Variants in CPZ observed in about 807,000 individuals in gnomAD.
CPZ encodes the protein VEZT/CPZ fusion.
A neutral mutation model predicts 61.8 loss-of-function variants in CPZ; 103 were observed. The observed-to-expected ratio is 1.67, with a 90% CI of 1.42 to 1.96. The LOEUF is 1.96. Ranked by LOEUF, CPZ falls within the 30% of genes most tolerant of loss-of-function variation. The pLI is 0.00. For synonymous variants in CPZ, 551 were observed against 373.7 expected, an observed-to-expected ratio of 1.47 and a Z score of -5.47; for missense variants, 1,461 against 914.9, an observed-to-expected ratio of 1.60 and a Z score of -7.70.
chr4:8,618,383 C>G (rs1716383582), intron 9 of CPZ, 46 bp from the exon 10 acceptor site: 2 of 1,579,812 alleles, frequency 1.3e-6, no homozygotes, highest in Non-Finnish European at 1.7e-6. Context: ...CCACGCTCAG[C>G]AGGAGAGCTC....
In CPZ at chr4:8,611,908, T is replaced by G; in HGVS notation, c.1228-119T>G. The stretch of plus-strand genomic sequence containing the variant: ...CCCCTCTCCTACCTGCAGACACCAT[T>G]CCCCTCTCCTATCTGCAATGCAGGT... On this transcript the variant is annotated intron_variant, in intron 7 of 10. Coordinates refer to ENST00000360986, the MANE Select transcript of CPZ (RefSeq NM_001014447.3). The G allele has an allele frequency of 5.0e-6, 7 of 1,391,262 alleles. No homozygotes were observed. In the South Asian group the frequency reaches 8.9e-5, roughly 18 times the overall value. The allele number at this position is 1,391,262 out of a possible 1,614,324, so 86.2% of individuals were successfully genotyped here. A position where few individuals can be genotyped will look rare whatever the true frequency, so the allele number is the denominator to read the frequency against.
chr4:8,610,975 T>TTCACTCAGTCAC (rs1715604536), intron 7 of CPZ, among the ~76,000 whole-genome samples: 1 of 151,778 alleles, frequency 6.6e-6, no homozygotes, highest in Non-Finnish European at 1.5e-5. Context: ...CAATCACTCA[T>TTCACTCAGTCAC]TCACTCAGTC....
At chr4:8,598,587 C>T (rs2109313371) in intron 1 of CPZ, among the ~76,000 whole-genome samples, 1 of 152,364 alleles carries the variant, frequency 6.6e-6, no homozygotes, top group Middle Eastern at 3.4e-3. Context: ...GCTCCCACTG[C>T]CCAGCCTGCC....
rs1714960910 is a variant in CPZ, at chr4:8,605,992, A to G, written c.713A>G (p.Glu238Gly). 6.2e-7 allele frequency: 1 copy of G among 1,612,074 alleles called. No homozygotes were observed. Among genetic ancestry groups the G allele is most frequent in the South Asian group, 1.1e-5 (1 of 91,030 alleles). ...AAGTCTCTGTATTTGCCCCCAGTGG[A>G]GCCCGAGGTGAAGCTCATCGGCAAC... ...SSRPGQHELM[E>G]PEVKLIGNIH... Residue 238 changes from glutamate (E) to glycine (G), a missense_variant, in exon 5 of 11, where the codon GAG becomes GGG. Transcript: ENST00000360986.
intron 1 of CPZ, among the ~76,000 whole-genome samples, chr4:8,597,105 G>T (rs1305552921): frequency 3.9e-5 from 6 of 152,172 alleles, no homozygotes; most frequent in Admixed American, 6.5e-5. Context: ...TGTAGCATCT[G>T]CCTCGGTCCA....
intron 8 of CPZ, 44 bp downstream of exon 8, chr4:8,612,206 C>CCCGG: frequency 2.6e-5 from 2 of 75,862 alleles, no homozygotes; most frequent in East Asian, 2.3e-4. Flanking sequence ...GTGGGGGGTG[C>CCCGG]AGGGGCTGGG....
At chr4:8,609,700 G>A (rs1425513975) in intron 7 of CPZ, among the ~76,000 whole-genome samples, 1 of 152,242 alleles carries the variant, frequency 6.6e-6, no homozygotes, top group Admixed American at 6.5e-5. Context: ...CTCAGAACCA[G>A]ATGTGAGAAG....
At chr4:8,606,211 G>T in intron 5 of CPZ, 26 bp downstream of exon 5, 1 of 1,599,106 alleles carries the variant, frequency 6.3e-7, no homozygotes. Flanking sequence ...CCTGGATCCT[G>T]TGGGCCACCG....
In CPZ at chr4:8,606,817, G is replaced by T. The variant is rs371225755; in HGVS notation, c.987G>T (p.Thr329=). 3 of 1,613,980 alleles carry T rather than the reference G, an allele frequency of 1.9e-6. No individual in the cohort carries two copies. The highest frequency in any genetic ancestry group is 1.7e-5 in the Admixed American group (1 of 60,004). ...LDLNRNFPDL[T]SEYYRLAETR... ...TGAACCGAAATTTCCCGGACCTGAC[G>T]TCCGAGTACTACCGGCTGGCGGAGA... The change falls in exon 6 of 11, where the codon ACG becomes ACT. Residue 329 remains threonine (T), a synonymous_variant. Transcript: ENST00000360986.
Position 8,619,479 on chromosome 4 carries a change from C to G in CPZ, c.1821C>G (p.Ala607=), listed in dbSNP as rs780043913. Reference sequence around the variant, plus strand: ...GGCCCCACGACCCACTGGGAGGTGCCAGCTCTTTGGGGGAGGCCACGGAGC... The same window carrying G: ...GGCCCCACGACCCACTGGGAGGTGCGAGCTCTTTGGGGGAGGCCACGGAGC... The part of the protein sequence containing the change: ...RTGPHDPLGG[A]SSLGEATEPD... Residue 607 remains alanine (A), a synonymous_variant, in exon 11 of 11, where the codon GCC becomes GCG. Transcript: ENST00000360986. The G allele has an allele frequency of 6.2e-7, 1 of 1,609,648 alleles. No individual in the cohort carries two copies. The highest frequency in any genetic ancestry group is 2.2e-5 in the East Asian group (1 of 44,748).
rs538634471 is a variant in CPZ at position 8,606,798 on chromosome 4, G to A, written c.968G>A (p.Arg323Gln). Residue 323 changes from arginine to glutamine, a missense_variant, in exon 6 of 11, where the codon CGA (arginine) becomes CAA (glutamine). Transcript: ENST00000360986. ...RQNAQNLDLN[R>Q]NFPDLTSEYY... is the part of the protein sequence containing the mutation. ...AACGCGCAGAACCTGGATCTGAACC[G>A]AAATTTCCCGGACCTGACGTCCGAG... 3 of 1,614,186 alleles carry A rather than the reference G, an allele frequency of 1.9e-6. No individual in the cohort carries two copies. The highest frequency in any genetic ancestry group is 1.7e-6 in the Non-Finnish European group (2 of 1,180,030).
chr4:8,601,234 A>G lies in CPZ; in HGVS notation c.233A>G (p.Glu78Gly). 6.2e-7 allele frequency: 1 copy of G among 1,613,354 alleles called. No homozygotes were observed. The highest frequency in any genetic ancestry group is 8.5e-7 in the Non-Finnish European group (1 of 1,179,884). Reference protein sequence around the residue: ...RSWEVVEASSEYILLSVLHQL... With the variant: ...RSWEVVEASSGYILLSVLHQL... ...TGGGAGGTGGTGGAGGCCAGCTCCG[A>G]GTACATCCTGCTGAGCGTTCTACAC... Residue 78 changes from glutamate to glycine, a missense_variant, in exon 3 of 11, where the codon GAG becomes GGG. Coordinates refer to ENST00000360986, the MANE Select transcript of CPZ (RefSeq NM_001014447.3).
chr4:8,612,363 TGGA>T (rs55754473), intron 8 of CPZ, among the ~76,000 whole-genome samples: 88,479 of 151,742 alleles, frequency 0.58, 26,810 homozygotes, highest in East Asian at 0.75. Flanking sequence ...GTGACTGTTG[TGGA>T]GGACCCAGGC....
intron 7 of CPZ, among the ~76,000 whole-genome samples, chr4:8,608,690 A>G (rs1715262734): frequency 6.7e-6 from 1 of 148,360 alleles, no homozygotes; most frequent in East Asian, 2.0e-4. Context: ...TGGGGTGGGG[A>G]ACCCCCAGCC....
chr4:8,610,452 T>C (rs1342914300), intron 7 of CPZ, among the ~76,000 whole-genome samples: 1 of 152,028 alleles, frequency 6.6e-6, no homozygotes, highest in Non-Finnish European at 1.5e-5. Context: ...GGAGGGACTG[T>C]AGGGCAGGGA....
chr4:8,618,521 C>G lies in CPZ; in HGVS notation c.1596C>G (p.Ile532Met), dbSNP rs780173452. Residue 532 changes from isoleucine to methionine, a missense_variant, in exon 10 of 11, where the codon ATC (isoleucine) becomes ATG (methionine). Coordinates refer to ENST00000360986, the MANE Select transcript of CPZ (RefSeq NM_001014447.3). ...CAGTCAAAGGCATTCGCCACGACAT[C>G]ACCACAGGTGAGCACGTCCCTGGCT... Reference protein sequence around the residue: ...RISVKGIRHDITTAPDGDYWR... With the variant: ...RISVKGIRHDMTTAPDGDYWR... The G allele has an allele frequency of 1.9e-6, 3 of 1,613,576 alleles. No homozygotes were observed. In the African/African-American group the frequency reaches 4.0e-5, roughly 22 times the overall value.
At chr4:8,616,605 A>G (rs1366253645) in intron 9 of CPZ, among the ~76,000 whole-genome samples, 2 of 152,034 alleles carry the variant, frequency 1.3e-5, no homozygotes, top group African/African-American at 2.4e-5. Flanking sequence ...AAGGGAGGGA[A>G]GGAATCGGCC....
chr4:8,592,779 G>A lies in CPZ; in HGVS notation c.-55G>A, dbSNP rs954544278. On this transcript the variant is annotated 5_prime_UTR_variant, in exon 1 of 11. Transcript: ENST00000360986. ...CCAGCGAGCGCAGAGCCCCGGCCCCGCGCGGCCCGAGTGCCACATCACTGC... is the reference window on the plus strand; with the variant it reads ...CCAGCGAGCGCAGAGCCCCGGCCCCACGCGGCCCGAGTGCCACATCACTGC... 153 of 1,270,914 alleles carry A rather than the reference G, an allele frequency of 1.2e-4. No homozygotes were observed. Among genetic ancestry groups the A allele is most frequent in the Non-Finnish European group, 1.5e-4 (150 of 982,686 alleles). 78.7% of individuals were successfully genotyped at this position (1,270,914 alleles called of 1,614,324 possible).
At chr4:8,609,067 A>ACTCACGTACTCACTCCCTCCCTCC (rs1715317552) in intron 7 of CPZ, among the ~76,000 whole-genome samples, 1 of 50,202 alleles carries the variant, frequency 2.0e-5, no homozygotes, top group Non-Finnish European at 3.9e-5. Flanking sequence ...TCACTCCCTC[A>ACTCACGTACTCACTCCCTCCCTCC]CTCACCACTC....
Sources: allele counts gnomAD v4.1 joint callset (sites outside exome capture counted in the v4.1 genomes callset), GRCh38; gene constraint gnomAD v4.1.1; transcripts MANE v1.5; gene names NCBI Gene and HGNC (gene_info 2026-07-23, HGNC 2026-07-21).